Variants in MAGEC3 observed in about 807,000 individuals in gnomAD.
MAGEC3 encodes the protein melanoma-associated antigen C3.
In MAGEC3, 34 loss-of-function variants were observed where a neutral mutation model predicts 35.3. The ratio of observed to expected loss-of-function variants is 0.96; its 90% CI spans 0.73 to 1.28. The LOEUF (loss-of-function observed/expected upper bound fraction) is 1.28. Among genes scored for constraint, MAGEC3 ranks in the 50% most tolerant of loss-of-function variants. The probability of loss-of-function intolerance (pLI) is 0.00; values close to 1 mark genes in which losing one functional copy is unlikely to be tolerated. For synonymous variants in MAGEC3, 202 were observed against 185.6 expected, an observed-to-expected ratio of 1.09 and a Z score of -0.72; for missense variants, 561 against 483.6, an observed-to-expected ratio of 1.16 and a Z score of -1.50.
chrX:141,839,875 G>A lies in MAGEC3; in HGVS notation c.123+1437G>A, dbSNP rs943448498. On this transcript the variant is annotated intron_variant, in intron 1 of 7. Coordinates refer to ENST00000298296, the MANE Select transcript of MAGEC3 (RefSeq NM_138702.1). ...ATGCTACTGGTATTTAATAAGCAGA[G>A]ACAGAGATGCTTCTAAGCGTCTTAT... The A allele has an allele frequency of 6.5e-6, 3 of 459,225 alleles. No homozygotes were observed. In the African/African-American group the frequency reaches 8.0e-5, roughly 12 times the overall value. 37.8% of individuals were successfully genotyped at this position (459,225 alleles called of 1,213,427 possible).
At chrX:141,861,851 G>T (rs2017817208) in intron 1 of MAGEC3, among the ~76,000 whole-genome samples, 1 of 111,952 alleles carries the variant, frequency 8.9e-6, no homozygotes, top group East Asian at 2.8e-4. Context: ...AATAAGGAAA[G>T]CTCTTCAGAA....
At chrX:141,864,973 A>G (rs895763174) in intron 1 of MAGEC3, among the ~76,000 whole-genome samples, 9 of 111,978 alleles carry the variant, frequency 8.0e-5, no homozygotes, top group Admixed American at 3.8e-4. Flanking sequence ...GTTTTTCTGT[A>G]AAATCTAATG....
chrX:141,895,878 G>A (rs1372358924), intron 6 of MAGEC3, among the ~76,000 whole-genome samples: 2 of 111,305 alleles, frequency 1.8e-5, no homozygotes, highest in Non-Finnish European at 3.8e-5. Flanking sequence ...GGTCCCACGT[G>A]CATCAGAACA....
At chrX:141,885,663 CAAAAAAAAAAAAA>C (rs35973319) in intron 4 of MAGEC3, among the ~76,000 whole-genome samples, 1 of 40,991 alleles carries the variant, frequency 2.4e-5, no homozygotes, top group African/African-American at 1.2e-4. Flanking sequence ...GACTTCGTCT[CAAAAAAAAAAAAA>C]AAAAAAAAAA....
chrX:141,847,346 C>T (rs2017723346), intron 1 of MAGEC3, among the ~76,000 whole-genome samples: 1 of 111,184 alleles, frequency 9.0e-6, no homozygotes, highest in Admixed American at 9.6e-5. Flanking sequence ...TGATACACCA[C>T]ATAATCTGAA....
intron 3 of MAGEC3, chrX:141,880,857 C>T: frequency 2.7e-6 from 3 of 1,130,737 alleles, no homozygotes; most frequent in Non-Finnish European, 2.4e-6. Context: ...TTGTCAGAAC[C>T]ACCATGGGTG....
chrX:141,897,135 G>C lies in MAGEC3; in HGVS notation c.1377G>C (p.Lys459Asn), dbSNP rs1313411659. Residue 459 changes from lysine to asparagine, a missense_variant, in exon 7 of 8, where the codon AAG (lysine) becomes AAC (asparagine). Coordinates refer to ENST00000298296, the MANE Select transcript of MAGEC3 (RefSeq NM_138702.1). ...ESLPRYALDE[K>N]VAELVQFLLL... Reference sequence around the variant, plus strand: ...TGCCCAGGTATGCCCTGGATGAAAAGGTGGCTGAGTTGGTGCAGTTTCTTC... The same window carrying C: ...TGCCCAGGTATGCCCTGGATGAAAACGTGGCTGAGTTGGTGCAGTTTCTTC... 1 of 1,211,855 alleles carries C rather than the reference G, an allele frequency of 8.3e-7. No homozygotes were observed.
chrX:141,887,347 C>G (rs1013834056), intron 4 of MAGEC3, among the ~76,000 whole-genome samples: 1 of 112,244 alleles, frequency 8.9e-6, no homozygotes, highest in Non-Finnish European at 1.9e-5. Flanking sequence ...CCGATTGGAT[C>G]CAGTGAGCGA....
chrX:141,845,287 G>A (rs895559634), intron 1 of MAGEC3, among the ~76,000 whole-genome samples: 1 of 110,793 alleles, frequency 9.0e-6, no homozygotes, highest in Non-Finnish European at 1.9e-5. Flanking sequence ...TATTGATTGC[G>A]TACAACTCTG....
chrX:141,877,844 T>A (rs1417199412), intron 2 of MAGEC3, among the ~76,000 whole-genome samples: 1 of 112,448 alleles, frequency 8.9e-6, no homozygotes, highest in East Asian at 2.8e-4. Flanking sequence ...AAGAAAGTTC[T>A]CATATGTTCC....
chrX:141,861,609 C>G (rs2124096933), intron 1 of MAGEC3, among the ~76,000 whole-genome samples: 1 of 111,172 alleles, frequency 9.0e-6, no homozygotes, highest in African/African-American at 3.3e-5. Flanking sequence ...ATGAAAAACC[C>G]AAAAACAAAT....
intron 1 of MAGEC3, among the ~76,000 whole-genome samples, chrX:141,860,727 T>C (rs1241268042): frequency 8.9e-6 from 1 of 112,279 alleles, no homozygotes; most frequent in Non-Finnish European, 1.9e-5. Context: ...ATCCTACTTA[T>C]GTGAGGTATC....
chrX:141,872,680 G>GGA (rs766513133), intron 2 of MAGEC3, among the ~76,000 whole-genome samples: 2 of 110,245 alleles, frequency 1.8e-5, no homozygotes, highest in African/African-American at 3.3e-5. Context: ...CACATGAGGA[G>GGA]GAGAGAGAGA....
chrX:141,867,054 C>G (rs1438352009), intron 2 of MAGEC3, among the ~76,000 whole-genome samples: 1 of 110,185 alleles, frequency 9.1e-6, no homozygotes, highest in Non-Finnish European at 1.9e-5. Flanking sequence ...AAAACCACCA[C>G]TAATTTTCTC....
Position 141,897,732 on chromosome X carries a change from TG to T in MAGEC3, c.1834del (p.Glu612LysfsTer7). On this transcript the variant is annotated frameshift_variant, in exon 8 of 8. Transcript: ENST00000298296. LOFTEE classifies it low-confidence loss of function (END_TRUNC). ...PSWYMDALKD[M>X]EDRAQAIIDT... ...TGGTACATGGATGCTTTGAAAGATA[TG>T]GAAGACAGAGCCCAGGCCATAATTG... 8.3e-7 allele frequency: 1 copy of T among 1,211,846 alleles called. No individual in the cohort carries two copies. The highest frequency in any genetic ancestry group is 1.1e-6 in the Non-Finnish European group (1 of 895,546).
In MAGEC3 at chrX:141,895,300, T is replaced by C. The variant is rs1217936952; in HGVS notation, c.941T>C (p.Val314Ala). ...PWSALAGFADVLSRLALWESE... is the reference protein window; with the variant it reads ...PWSALAGFADALSRLALWESE... ...TCAGCCTTGGCAGGGTTCGCGGATG[T>C]GCTTTCCCGACTTGCACTGTGGGAG... The change falls in exon 5 of 8, where the codon GTG becomes GCG. Residue 314 changes from valine to alanine, a missense_variant. Coordinates refer to ENST00000298296, the MANE Select transcript of MAGEC3 (RefSeq NM_138702.1). 2 of 1,208,232 alleles carry C rather than the reference T, an allele frequency of 1.7e-6. No homozygotes were observed. Among genetic ancestry groups the C allele is most frequent in the African/African-American group, 1.8e-5 (1 of 56,567 alleles).
chrX:141,879,500 G>T (rs1401359156), intron 3 of MAGEC3, 69 bp downstream of exon 3: 6 of 1,094,480 alleles, frequency 5.5e-6, no homozygotes, highest in Non-Finnish European at 7.3e-6. Flanking sequence ...CGAGAGGTGG[G>T]CAGGAAGGGG....
At position 141,868,028 on chromosome X, in the gene MAGEC3, C is replaced by A. The variant is rs188705162; in HGVS notation, c.258+2423C>A. The stretch of plus-strand genomic sequence containing the variant: ...GTCCCAGCTACTTGGGAGGCTGAGG[C>A]AGCAGAATGGTGTGAACCCGGGAGG... On this transcript the variant is annotated intron_variant, in intron 2 of 7. Coordinates refer to ENST00000298296, the MANE Select transcript of MAGEC3 (RefSeq NM_138702.1). 5.8e-3 allele frequency among the ~76,000 whole-genome samples: 642 copies of A among 110,434 alleles called. 2 individuals are homozygous for A. Among genetic ancestry groups the A allele is most frequent in the African/African-American group, 0.02 (598 of 30,350 alleles).
intron 1 of MAGEC3, among the ~76,000 whole-genome samples, chrX:141,846,101 A>G (rs1410820378): frequency 1.5e-4 from 16 of 110,131 alleles, no homozygotes; most frequent in Non-Finnish European, 2.1e-4. Context: ...ATTTCCACCA[A>G]TTTAGTGGTT....
Sources: allele counts gnomAD v4.1 joint callset (sites outside exome capture counted in the v4.1 genomes callset), GRCh38; gene constraint gnomAD v4.1.1; transcripts MANE v1.5; gene names NCBI Gene and HGNC (gene_info 2026-07-23, HGNC 2026-07-21).